Variants in SMARCD3 observed in about 807,000 individuals in gnomAD.
The protein encoded by SMARCD3 is SWI/SNF-related matrix-associated actin-dependent regulator of chromatin subfamily D member 3.
In SMARCD3, 14 loss-of-function variants were observed where a neutral mutation model predicts 58.0. The ratio of observed to expected loss-of-function variants is 0.24; its 90% CI spans 0.16 to 0.38. The LOEUF (loss-of-function observed/expected upper bound fraction) is 0.38, where lower values mean the gene tolerates loss of function less well. Among genes scored for constraint, SMARCD3 ranks in the 10% least tolerant of loss-of-function variants. The probability of loss-of-function intolerance (pLI) is 1.00; values close to 1 mark genes in which losing one functional copy is unlikely to be tolerated. For missense variants in SMARCD3, 408 were observed against 636.9 expected (o/e 0.64, Z 3.87); for synonymous variants, 253 against 253.8 (o/e 1.00, Z 0.03).
upstream of SMARCD3, among the ~76,000 whole-genome samples, chr7:151,250,413 T>C (rs114182572): frequency 6.6e-6 from 1 of 151,932 alleles, no homozygotes; most frequent in African/African-American, 2.4e-5. Context: ...CCATAGGTCA[T>C]GCTGCTGGGA....
At chr7:151,276,141 G>GGT (rs1795333522) in intron 1 of SMARCD3, among the ~76,000 whole-genome samples, 1 of 150,872 alleles carries the variant, frequency 6.6e-6, no homozygotes, top group South Asian at 2.1e-4. Flanking sequence ...ACCAGTCCAG[G>GGT]GTCGGGGGGG....
intron 2 of SMARCD3, among the ~76,000 whole-genome samples, chr7:151,266,678 T>C (rs1051462361): frequency 1.3e-5 from 2 of 152,234 alleles, no homozygotes; most frequent in Non-Finnish European, 2.9e-5. Context: ...GTGTGTCATG[T>C]CAGCGGCTTA....
Position 151,245,701 on chromosome 7 carries a change from G to A in SMARCD3, c.79-30C>T, listed in dbSNP as rs1803226092. The A allele has an allele frequency of 3.5e-6, 2 of 569,960 alleles. No homozygotes were observed. Among genetic ancestry groups the A allele is most frequent in the Admixed American group, 4.4e-5 (1 of 22,664 alleles). The allele number at this position is 569,960 out of a possible 1,614,324, so 35.3% of individuals were successfully genotyped here. A position where few individuals can be genotyped will look rare whatever the true frequency, so the allele number is the denominator to read the frequency against. On this transcript the variant is annotated intron_variant, in intron 1 of 12. Transcript: ENST00000262188. This position sits in a 1 kb window ranked among gnomAD's most constrained non-coding sequence, Gnocchi z 6.2. Reference sequence around the variant, plus strand: ...GGGTGGGCGGGGGTGAAGCAGAAACGGGCGCCCGTGGGTCAGACCAGGGCC... The same window carrying A: ...GGGTGGGCGGGGGTGAAGCAGAAACAGGCGCCCGTGGGTCAGACCAGGGCC...
rs1420072142 is a variant in SMARCD3, at chr7:151,242,087, TG to T, written c.675+49del. ...ATCTGTGCTGGTTCTTCAGGGATTC[TG>T]GCCTGTGGGAGGGTGGCAATTCAAG... is the stretch of plus-strand genomic sequence containing the variant. On this transcript the variant is annotated intron_variant, in intron 6 of 12. Coordinates refer to ENST00000262188, the MANE Select transcript of SMARCD3 (RefSeq NM_001003801.2). This position sits in a 1 kb window ranked among gnomAD's most constrained non-coding sequence, Gnocchi z 4.7. The T allele has an allele frequency of 6.4e-7, 1 of 1,551,166 alleles. No individual in the cohort carries two copies. The highest frequency in any genetic ancestry group is 8.9e-7 in the Non-Finnish European group (1 of 1,122,750).
At chr7:151,262,832 T>C (rs1803959740) in intron 2 of SMARCD3, among the ~76,000 whole-genome samples, 1 of 152,200 alleles carries the variant, frequency 6.6e-6, no homozygotes, top group African/African-American at 2.4e-5. Context: ...TCTCAGGGGC[T>C]GTGCCTCCTT....
Position 151,243,754 on chromosome 7 carries a change from T to A in SMARCD3, c.291-53A>T. ...GTTACCATGGCGACAGATCTGGGCGTAACGAGGCCACCTGCTAGATTATCC... is the reference window on the plus strand; with the variant it reads ...GTTACCATGGCGACAGATCTGGGCGAAACGAGGCCACCTGCTAGATTATCC... On this transcript the variant is annotated intron_variant, in intron 2 of 12. Coordinates refer to ENST00000262188, the MANE Select transcript of SMARCD3 (RefSeq NM_001003801.2). The surrounding 1 kb of genome is among the most constrained non-coding windows in gnomAD (Gnocchi z 4.4). 3.9e-6 allele frequency: 5 copies of A among 1,276,100 alleles called. No homozygotes were observed. The highest frequency in any genetic ancestry group is 4.6e-6 in the Non-Finnish European group (4 of 871,152). The allele number at this position is 1,276,100 out of a possible 1,614,324, so 79.0% of individuals were successfully genotyped here. A position where few individuals can be genotyped will look rare whatever the true frequency, so the allele number is the denominator to read the frequency against.
Position 151,238,894 on chromosome 7 carries a change from G to C in SMARCD3, c.*209C>G. The C allele has an allele frequency of 8.2e-7, 1 of 1,220,314 alleles. No homozygotes were observed. Among genetic ancestry groups the C allele is most frequent in the Non-Finnish European group, 1.2e-6 (1 of 869,372 alleles). 75.6% of individuals were successfully genotyped at this position (1,220,314 alleles called of 1,614,324 possible). A position where few individuals can be genotyped will look rare whatever the true frequency, so the allele number is the denominator to read the frequency against. On this transcript the variant is annotated 3_prime_UTR_variant, in exon 13 of 13. Coordinates refer to ENST00000262188, the MANE Select transcript of SMARCD3 (RefSeq NM_001003801.2). ...GAAGGGAATGGGGAGTCGTCCCGAG[G>C]GACCCACTGCCTCCCCACCTTCTTC... is the stretch of plus-strand genomic sequence containing the variant.
chr7:151,271,294 T>C (rs1795168224), intron 2 of SMARCD3, among the ~76,000 whole-genome samples: 1 of 152,164 alleles, frequency 6.6e-6, no homozygotes, highest in South Asian at 2.1e-4. Context: ...GAGTCTGTTT[T>C]AGGACACAGA....
intron 2 of SMARCD3, among the ~76,000 whole-genome samples, chr7:151,259,541 A>C (rs219236): frequency 6.8e-6 from 1 of 147,500 alleles, no homozygotes; most frequent in Non-Finnish European, 1.5e-5. Flanking sequence ...AGCCCACTCC[A>C]AGCCCGTTCA....
chr7:151,262,777 C>A (rs1803957440), intron 2 of SMARCD3, among the ~76,000 whole-genome samples: 1 of 152,202 alleles, frequency 6.6e-6, no homozygotes, highest in South Asian at 2.1e-4. Context: ...CCAGGGAAAG[C>A]CCCAACTGGG....
exon 2 of SMARCD3, chr7:151,275,145 G>T: frequency 6.2e-7 from 1 of 1,612,290 alleles, no homozygotes; most frequent in Non-Finnish European, 8.5e-7. Context: ...CTGAAGACCT[G>T]GAGTCATAGA....
chr7:151,259,755 A>G (rs999721704), intron 2 of SMARCD3, among the ~76,000 whole-genome samples: 1 of 151,744 alleles, frequency 6.6e-6, no homozygotes, highest in African/African-American at 2.4e-5. Flanking sequence ...GATTACAGGC[A>G]TGCACCACCA....
upstream of SMARCD3, among the ~76,000 whole-genome samples, chr7:151,251,043 AC>A (rs771315617): frequency 3.6e-4 from 54 of 151,996 alleles, no homozygotes; most frequent in Non-Finnish European, 6.3e-4. Context: ...TATTGGAGAG[AC>A]CTTTTGGGAA....
At position 151,275,165 on chromosome 7, in the gene SMARCD3, C is replaced by A. The variant is rs753090417; in HGVS notation, c.-13G>T. ...GACCTGGAGTCATAGATGGCAGGGT[C>A]CTGCACCTGGAGAGTCATCCAGTGC... On this transcript the variant is annotated 5_prime_UTR_variant, in exon 2 of 14. Transcript: ENST00000356800. 4.3e-5 allele frequency: 70 copies of A among 1,611,146 alleles called. 2 individuals carry two copies. In the South Asian group the frequency reaches 7.1e-4, roughly 16 times the overall value.
chr7:151,242,428 G>A lies in SMARCD3; in HGVS notation c.579+53C>T, dbSNP rs1220746931. On this transcript the variant is annotated intron_variant, in intron 5 of 12. Transcript: ENST00000262188. This position sits in a 1 kb window ranked among gnomAD's most constrained non-coding sequence, Gnocchi z 4.7. ...GTGCAGACACCTTGTTCTGTTCTCA[G>A]TGCAGCCCATGCCCACCCCAGGACA... 1.9e-6 allele frequency: 3 copies of A among 1,602,288 alleles called. No homozygotes were observed. In the African/African-American group the frequency reaches 4.0e-5, roughly 21 times the overall value.
In SMARCD3 at chr7:151,239,362, A is replaced by G; in HGVS notation, c.1398+34T>C. On this transcript the variant is annotated intron_variant, in intron 12 of 12. Transcript: ENST00000262188. This position sits in a 1 kb window ranked among gnomAD's most constrained non-coding sequence, Gnocchi z 7.0. Reference sequence around the variant, plus strand: ...AGGGAGGTTTCTCTTGGAGTTGAGGATGGGGAAGCCTCAGGGCAAGGGTCC... The same window carrying G: ...AGGGAGGTTTCTCTTGGAGTTGAGGGTGGGGAAGCCTCAGGGCAAGGGTCC... 10 of 1,543,302 alleles carry G rather than the reference A, an allele frequency of 6.5e-6. No individual in the cohort carries two copies. The highest frequency in any genetic ancestry group is 9.0e-6 in the Non-Finnish European group (10 of 1,116,294).
Position 151,246,273 on chromosome 7 carries a change from A to G in SMARCD3, c.79-602T>C. On this transcript the variant is annotated intron_variant, in intron 1 of 12. Coordinates refer to ENST00000262188, the MANE Select transcript of SMARCD3 (RefSeq NM_001003801.2). This position sits in a 1 kb window ranked among gnomAD's most constrained non-coding sequence, Gnocchi z 4.4. ...TGGGCGGTTCTGCCTGGTACTCACT[A>G]GCTCATCTCAGCCACTCTGCTCCCT... 1 of 152,728 alleles carries G rather than the reference A, an allele frequency of 6.5e-6. No homozygotes were observed. The allele number at this position is 152,728 out of a possible 1,614,324, so 9.5% of individuals were successfully genotyped here. A position where few individuals can be genotyped will look rare whatever the true frequency, so the allele number is the denominator to read the frequency against.
chr7:151,260,689 G>A lies in SMARCD3; in HGVS notation c.39+14425C>T, dbSNP rs374648691. 2.0e-5 allele frequency among the ~76,000 whole-genome samples: 3 copies of A among 152,066 alleles called. No homozygotes were observed. The East Asian group carries it at 5.8e-4, about 29-fold the overall frequency. On this transcript the variant is annotated intron_variant, in intron 2 of 13. Coordinates refer to the SMARCD3 transcript ENST00000356800. ...TGTCGTTACCCCGACATAGCCAAGC[G>A]GTGCCCTCGGACAGCCCCCTACCAC...
chr7:151,261,519 G>A (rs1215576901), intron 2 of SMARCD3, among the ~76,000 whole-genome samples: 1 of 152,212 alleles, frequency 6.6e-6, no homozygotes, highest in Admixed American at 6.5e-5. Context: ...CGTGATGCAT[G>A]GGTGGATGTG....
Sources: allele counts gnomAD v4.1 joint callset (sites outside exome capture counted in the v4.1 genomes callset), GRCh38; gene constraint gnomAD v4.1.1; non-coding constraint Gnocchi (gnomAD v3.1); transcripts MANE v1.5; gene names NCBI Gene and HGNC (gene_info 2026-07-23, HGNC 2026-07-21).